Variants in UST observed in about 807,000 individuals in gnomAD.
The protein encoded by UST is chondroitin sulfate 2-O-sulfotransferase.
UST carries 21 observed loss-of-function variants against 45.6 expected under a neutral mutation model. That is an observed-to-expected ratio of 0.46 (90% CI 0.33 to 0.66). UST has a LOEUF of 0.66. Ranked by LOEUF, UST falls within the 30% of genes least tolerant of loss-of-function variation. UST has a pLI of 0.02. For synonymous variants in UST, 215 were observed against 200.6 expected (o/e 1.07, Z -0.61); for missense variants, 463 against 512.4 (o/e 0.90, Z 0.93).
chr6:149,048,257 T>G (rs931173352), intron 7 of UST, among the ~76,000 whole-genome samples: 3 of 151,950 alleles, frequency 2.0e-5, no homozygotes, highest in African/African-American at 4.8e-5. Flanking sequence ...AAGGAGAAAG[T>G]AAAGGGCTGG....
chr6:148,964,679 T>G, intron 5 of UST, 116 bp downstream of exon 5: 1 of 1,365,682 alleles, frequency 7.3e-7, no homozygotes, highest in Non-Finnish European at 9.9e-7. Flanking sequence ...CCATGGAGCG[T>G]GGCGCAGAGA....
intron 1 of UST, among the ~76,000 whole-genome samples, chr6:148,883,082 A>G (rs754675575): frequency 7.2e-5 from 11 of 152,252 alleles, no homozygotes; most frequent in Admixed American, 1.3e-4. Flanking sequence ...CAGGGAAAGA[A>G]TTTAGTGTAG....
chr6:148,817,139 A>G (rs1458909829), intron 1 of UST, among the ~76,000 whole-genome samples: 1 of 152,210 alleles, frequency 6.6e-6, no homozygotes, highest in Non-Finnish European at 1.5e-5. Context: ...ACCCCTTTCC[A>G]GTGTTTCTGT....
At chr6:148,887,114 C>A (rs1778926732) in intron 2 of UST, 85 bp downstream of exon 2, 1 of 1,025,820 alleles carries the variant, frequency 9.7e-7, no homozygotes. Context: ...CTCTCCTGGA[C>A]ACGAATCATT....
At chr6:148,966,727 T>C (rs773960744) in intron 5 of UST, among the ~76,000 whole-genome samples, 6 of 152,180 alleles carry the variant, frequency 3.9e-5, no homozygotes, top group Non-Finnish European at 7.4e-5. Flanking sequence ...GTTTGGAGTT[T>C]CCATTTGTTC....
intron 7 of UST, among the ~76,000 whole-genome samples, chr6:149,042,145 A>C (rs1220893812): frequency 1.3e-5 from 2 of 152,200 alleles, no homozygotes; most frequent in Non-Finnish European, 2.9e-5. Flanking sequence ...TATTATTCCC[A>C]TTTTACAGAT....
intron 1 of UST, among the ~76,000 whole-genome samples, chr6:148,806,985 A>T (rs1263034369): frequency 6.6e-6 from 1 of 152,178 alleles, no homozygotes; most frequent in African/African-American, 2.4e-5. Flanking sequence ...TGCAAGAGCA[A>T]TTCAATCAAT....
In UST at chr6:148,747,342, T is replaced by G; in HGVS notation, c.-89T>G. On this transcript the variant is annotated 5_prime_UTR_variant, in exon 1 of 8. Coordinates refer to ENST00000367463, the MANE Select transcript of UST (RefSeq NM_005715.3). Reference sequence around the variant, plus strand: ...TGCCCTCCGCGCGGCCCTCCCCATGTGCAGCCGGCCAGCCGGGCTCTCCTC... The same window carrying G: ...TGCCCTCCGCGCGGCCCTCCCCATGGGCAGCCGGCCAGCCGGGCTCTCCTC... 7.4e-7 allele frequency: 1 copy of G among 1,347,048 alleles called. No homozygotes were observed. Among genetic ancestry groups the G allele is most frequent in the African/African-American group, 1.5e-5 (1 of 64,966 alleles). 83.4% of individuals were successfully genotyped at this position (1,347,048 alleles called of 1,614,324 possible).
intron 1 of UST, among the ~76,000 whole-genome samples, chr6:148,840,912 G>GGGTGGTGGTC (rs1777875535): frequency 1.3e-5 from 2 of 152,250 alleles, no homozygotes; most frequent in African/African-American, 4.8e-5. Flanking sequence ...TCACCCTGGT[G>GGGTGGTGGTC]GGTGGTGGTC....
intron 7 of UST, among the ~76,000 whole-genome samples, chr6:149,069,256 A>G (rs932544701): frequency 5.9e-5 from 9 of 152,216 alleles, no homozygotes; most frequent in Admixed American, 5.2e-4. Flanking sequence ...TTGGATAGAT[A>G]CATAGTAGAA....
intron 2 of UST, among the ~76,000 whole-genome samples, chr6:148,912,345 G>C (rs1339858326): frequency 6.6e-6 from 1 of 152,258 alleles, no homozygotes; most frequent in Non-Finnish European, 1.5e-5. Flanking sequence ...TCTCAAGGCT[G>C]CTTATCAGAG....
chr6:149,051,923 G>A (rs1562340363), intron 7 of UST, among the ~76,000 whole-genome samples: 2 of 152,136 alleles, frequency 1.3e-5, no homozygotes, highest in Non-Finnish European at 2.9e-5. Context: ...TATTAGGGAG[G>A]GGAAAATATG....
chr6:148,774,720 GAA>G (rs953982744), intron 1 of UST, among the ~76,000 whole-genome samples: 1 of 152,094 alleles, frequency 6.6e-6, no homozygotes, highest in African/African-American at 2.4e-5. Flanking sequence ...GAATTTCAGA[GAA>G]AAATGAGTGC....
At chr6:148,929,892 C>T (rs567021915) in intron 2 of UST, among the ~76,000 whole-genome samples, 4 of 152,240 alleles carry the variant, frequency 2.6e-5, no homozygotes, top group African/African-American at 9.6e-5. Context: ...GCATATCATA[C>T]GTGCAACACA....
chr6:148,987,906 G>A (rs1162879487), intron 5 of UST, among the ~76,000 whole-genome samples: 1 of 152,122 alleles, frequency 6.6e-6, no homozygotes, highest in Non-Finnish European at 1.5e-5. Flanking sequence ...TTTATGCCAA[G>A]CTCAGTGGTG....
chr6:149,027,354 G>A (rs1776064360), intron 7 of UST, among the ~76,000 whole-genome samples: 1 of 152,182 alleles, frequency 6.6e-6, no homozygotes, highest in Non-Finnish European at 1.5e-5. Context: ...CATTGAGTTG[G>A]GAGTTAGGAG....
At position 149,052,556 on chromosome 6, in the gene UST, G is replaced by A. The variant is rs369081401; in HGVS notation, c.938-21277G>A. ...GATTGAACATTCAACCCAGGCCCAGGTGACTTGCAACCCCGTGCTCGTAAG... is the reference window on the plus strand; with the variant it reads ...GATTGAACATTCAACCCAGGCCCAGATGACTTGCAACCCCGTGCTCGTAAG... On this transcript the variant is annotated intron_variant, in intron 7 of 7. Coordinates refer to ENST00000367463, the MANE Select transcript of UST (RefSeq NM_005715.3). Among the ~76,000 whole-genome samples, 5 of 151,788 alleles carry A rather than the reference G, an allele frequency of 3.3e-5. 1 individual carries two copies. Among genetic ancestry groups the A allele is most frequent in the Admixed American group, 2.0e-4 (3 of 15,236 alleles).
intron 2 of UST, among the ~76,000 whole-genome samples, chr6:148,911,967 G>C (rs111728076): frequency 0.27 from 41,566 of 151,998 alleles, 6,105 homozygotes; most frequent in Non-Finnish European, 0.33. Flanking sequence ...GAGACTAAGG[G>C]GGGCAGATCA....
chr6:148,913,491 G>T (rs1019939301), intron 2 of UST, among the ~76,000 whole-genome samples: 2 of 121,064 alleles, frequency 1.7e-5, no homozygotes, highest in Non-Finnish European at 3.2e-5. Context: ...TGGATCAGAT[G>T]TATTTCTGTT....
Sources: gnomAD v4.1 joint callset for allele counts (sites outside exome capture counted in the v4.1 genomes callset) on GRCh38, gnomAD v4.1.1 for gene constraint, MANE v1.5 for transcripts, NCBI Gene and HGNC (gene_info 2026-07-23, HGNC 2026-07-21) for gene names.